Variants in ITGA2 observed in about 807,000 individuals in gnomAD.
ITGA2 encodes the protein integrin subunit alpha 2.
In ITGA2, 101 loss-of-function variants were observed where a neutral mutation model predicts 146.3. The ratio of observed to expected loss-of-function variants is 0.69; its 90% CI spans 0.59 to 0.81. The LOEUF is 0.81. Among genes scored for constraint, ITGA2 ranks in the 40% least tolerant of loss-of-function variants. The probability of loss-of-function intolerance (pLI) is 0.00; values close to 1 mark genes in which losing one functional copy is unlikely to be tolerated. For synonymous variants in ITGA2, 477 were observed against 487.1 expected (o/e 0.98, Z 0.27); for missense variants, 1,281 against 1,402.7 (o/e 0.91, Z 1.39).
rs1745774810 is a variant in ITGA2, at chr5:53,078,805, G to A, written c.2859G>A (p.Ser953=). The A allele has an allele frequency of 1.4e-5, 22 of 1,610,692 alleles. No homozygotes were observed. The highest frequency in any genetic ancestry group is 3.3e-5 in the South Asian group (3 of 90,980). ...ACATAAATTTTTATGAAATCTCTTC[G>A]GATGGGAATGTTCCTTCAATCGTGC... ...STNINFYEIS[S]DGNVPSIVHS... Residue 953 remains serine (S), a synonymous_variant, in exon 24 of 30, where the codon TCG becomes TCA. Coordinates refer to ENST00000296585, the MANE Select transcript of ITGA2 (RefSeq NM_002203.4).
chr5:53,075,388 T>C (rs1745616296), intron 23 of ITGA2, 84 bp downstream of exon 23: 2 of 986,202 alleles, frequency 2.0e-6, no homozygotes, highest in Admixed American at 1.8e-5. Context: ...AGAAGTCCTC[T>C]GTATGCTCAT....
Position 53,083,408 on chromosome 5 carries a change from CT to C in ITGA2, c.3216del (p.Phe1072LeufsTer4). The C allele has an allele frequency of 6.2e-7, 1 of 1,613,244 alleles. No individual in the cohort carries two copies. The highest frequency in any genetic ancestry group is 1.7e-5 in the Admixed American group (1 of 59,996). ...AAGACGTTCACATGAAAGGAGAATA[CT>C]TTGTTAATGTGACTACCAGAATTTG... ...LKDVHMKGEY[F>X]VNVTTRIWNG... On this transcript the variant is annotated frameshift_variant, in exon 27 of 30. Coordinates refer to ENST00000296585, the MANE Select transcript of ITGA2 (RefSeq NM_002203.4). LOFTEE classifies it high-confidence loss of function.
chr5:53,016,614 G>T (rs1247018804), intron 1 of ITGA2, among the ~76,000 whole-genome samples: 2 of 152,130 alleles, frequency 1.3e-5, no homozygotes, highest in Non-Finnish European at 2.9e-5. Flanking sequence ...TGCATTTCCT[G>T]AATTTAAATG....
At position 53,080,612 on chromosome 5, in the gene ITGA2, A is replaced by G. The variant is rs1745877371; in HGVS notation, c.3030A>G (p.Gln1010=). The change falls in exon 25 of 30, where the codon CAA becomes CAG. Residue 1010 remains glutamine, a synonymous_variant. Transcript: ENST00000296585. ...CACTGATGTACCTAACTGGGGTGCA[A>G]ACAGACAAGGTAAAGATTAAAAAAT... ...KNPLMYLTGV[Q]TDKAGDISCN... 6.2e-6 allele frequency: 10 copies of G among 1,611,252 alleles called. No homozygotes were observed. Among genetic ancestry groups the G allele is most frequent in the South Asian group, 1.1e-5 (1 of 91,054 alleles).
In ITGA2 at chr5:53,065,104, A is replaced by C; in HGVS notation, c.1795A>C (p.Lys599Gln). Residue 599 changes from lysine (K) to glutamine (Q), a missense_variant, in exon 14 of 30, where the codon AAG becomes CAG. This residue lies in a region of ITGA2 where 795 missense variants were observed against 841.7 expected (regional missense o/e 0.94). Transcript: ENST00000296585. Reference protein sequence around the residue: ...YNGHQGTIRTKYSQKILGSDG... With the variant: ...YNGHQGTIRTQYSQKILGSDG... The stretch of plus-strand genomic sequence containing the variant: ...TGGTCATCAGGGCACTATCCGCACA[A>C]AGTATTCCCAGGTAATCCATGAGCT... 1 of 1,612,460 alleles carries C rather than the reference A, an allele frequency of 6.2e-7. No homozygotes were observed. Among genetic ancestry groups the C allele is most frequent in the Non-Finnish European group, 8.5e-7 (1 of 1,178,966 alleles).
intron 13 of ITGA2, among the ~76,000 whole-genome samples, chr5:53,063,414 G>A (rs1381623554): frequency 6.6e-6 from 1 of 151,792 alleles, no homozygotes; most frequent in Non-Finnish European, 1.5e-5. Flanking sequence ...ATTGCTTAGT[G>A]TAACATTTAG....
intron 6 of ITGA2, among the ~76,000 whole-genome samples, chr5:53,050,841 T>C (rs1579854205): frequency 6.6e-6 from 1 of 152,230 alleles, no homozygotes. Flanking sequence ...TATGCACATA[T>C]AGCATCTTCT....
intron 16 of ITGA2, among the ~76,000 whole-genome samples, chr5:53,068,486 G>A (rs549221364): frequency 2.0e-5 from 3 of 152,004 alleles, no homozygotes; most frequent in African/African-American, 7.2e-5. Context: ...GCATAGAGGT[G>A]TCTCATGTAT....
chr5:53,026,140 AATG>A (rs1742933873), intron 1 of ITGA2, among the ~76,000 whole-genome samples: 2 of 152,174 alleles, frequency 1.3e-5, no homozygotes, highest in Non-Finnish European at 2.9e-5. Flanking sequence ...CATCCTCAAA[AATG>A]ATAATGATCA....
intron 2 of ITGA2, among the ~76,000 whole-genome samples, chr5:53,035,103 T>C (rs1743423159): frequency 6.6e-6 from 1 of 152,208 alleles, no homozygotes; most frequent in African/African-American, 2.4e-5. Flanking sequence ...GCTATTCCAG[T>C]TTTTATCATT....
At position 53,081,625 on chromosome 5, in the gene ITGA2, C is replaced by A. The variant is rs766343055; in HGVS notation, c.3073C>A (p.Pro1025Thr). 6 of 1,612,946 alleles carry A rather than the reference C, an allele frequency of 3.7e-6. No individual in the cohort carries two copies. The highest frequency in any genetic ancestry group is 1.1e-5 in the South Asian group (1 of 91,042). Residue 1025 changes from proline (P) to threonine (T), a missense_variant, in exon 26 of 30, where the codon CCA becomes ACA. Physicochemically the swap from Pro to Thr is conservative, Grantham distance 38. Coordinates refer to ENST00000296585, the MANE Select transcript of ITGA2 (RefSeq NM_002203.4). ...CATCAGTTGTAATGCAGATATCAAT[C>A]CACTGAAAATAGGACAAACATCTTC... ...GDISCNADIN[P>T]LKIGQTSSSV...
chr5:53,062,073 A>C (rs1160294474), intron 12 of ITGA2, among the ~76,000 whole-genome samples: 1 of 151,856 alleles, frequency 6.6e-6, no homozygotes, highest in Non-Finnish European at 1.5e-5. Context: ...GAATGGGATG[A>C]AGGTTCAAAG....
At chr5:53,088,146 A>G (rs935629908) in intron 28 of ITGA2, among the ~76,000 whole-genome samples, 2 of 152,244 alleles carry the variant, frequency 1.3e-5, no homozygotes, top group Non-Finnish European at 2.9e-5. Flanking sequence ...TGAACTTAGC[A>G]TAGGGGAGAA....
chr5:53,030,376 C>T (rs569725330), intron 2 of ITGA2, among the ~76,000 whole-genome samples: 15 of 152,304 alleles, frequency 9.8e-5, no homozygotes, highest in Non-Finnish European at 1.5e-4. Context: ...AGGCACCACT[C>T]TATTATTGGC....
chr5:53,006,676 G>A (rs1741870492), intron 1 of ITGA2, among the ~76,000 whole-genome samples: 1 of 152,122 alleles, frequency 6.6e-6, no homozygotes, highest in African/African-American at 2.4e-5. Flanking sequence ...AATAGACACA[G>A]CCCCTCTCTG....
At chr5:53,037,744 C>G (rs945882373) in intron 2 of ITGA2, among the ~76,000 whole-genome samples, 4 of 152,078 alleles carry the variant, frequency 2.6e-5, no homozygotes, top group African/African-American at 9.7e-5. Flanking sequence ...GACCTGTAGC[C>G]TACTTATTAA....
intron 1 of ITGA2, among the ~76,000 whole-genome samples, chr5:52,991,741 G>A (rs1740964222): frequency 1.3e-5 from 2 of 152,036 alleles, no homozygotes; most frequent in South Asian, 4.1e-4. Flanking sequence ...TTGCTTTCCA[G>A]AAACCTTTTC....
chr5:53,020,260 C>T (rs1742611759), intron 1 of ITGA2, among the ~76,000 whole-genome samples: 1 of 152,160 alleles, frequency 6.6e-6, no homozygotes, highest in African/African-American at 2.4e-5. Flanking sequence ...AGAGAAAAAA[C>T]ATAGAATCAT....
intron 1 of ITGA2, among the ~76,000 whole-genome samples, chr5:53,003,007 C>T (rs1415780597): frequency 6.6e-6 from 1 of 152,148 alleles, no homozygotes; most frequent in East Asian, 1.9e-4. Context: ...AAGATATCAT[C>T]TAGTTCAGTG....
Sources: gnomAD v4.1 joint callset for allele counts (sites outside exome capture counted in the v4.1 genomes callset) on GRCh38, gnomAD v4.1.1 for gene constraint, gnomAD v4.1.1 regional missense constraint, MANE v1.5 for transcripts, NCBI Gene and HGNC (gene_info 2026-07-23, HGNC 2026-07-21) for gene names.